HAPLN1: variants seen among roughly 807,000 people sequenced by gnomAD.
HAPLN1 encodes hyaluronan and proteoglycan link protein 1, also known as Cartilage link protein.
In HAPLN1, 13 loss-of-function variants were observed where a neutral mutation model predicts 36.5. That is an observed-to-expected ratio of 0.36 (90% CI 0.23 to 0.57). HAPLN1 has a LOEUF of 0.57. Among genes scored for constraint, HAPLN1 ranks in the 20% least tolerant of loss-of-function variants. The pLI, the probability that HAPLN1 is intolerant of heterozygous loss-of-function variation, is 0.83. For missense variants in HAPLN1, 407 were observed against 439.7 expected, an observed-to-expected ratio of 0.93 and a Z score of 0.66; for synonymous variants, 202 against 169.8, an observed-to-expected ratio of 1.19 and a Z score of -1.48.
chr5:83,708,655 C>T (rs553147584), intron 1 of HAPLN1, among the ~76,000 whole-genome samples: 1 of 152,096 alleles, frequency 6.6e-6, no homozygotes, highest in East Asian at 1.9e-4. Flanking sequence ...TACAACTAAC[C>T]CCCATGACAC....
intron 1 of HAPLN1, among the ~76,000 whole-genome samples, chr5:83,717,667 T>G (rs1751943763): frequency 6.6e-6 from 1 of 152,228 alleles, no homozygotes; most frequent in Non-Finnish European, 1.5e-5. Context: ...TGGACTAATC[T>G]TCTATGGTAT....
chr5:83,714,929 A>G (rs1289388821), intron 1 of HAPLN1, among the ~76,000 whole-genome samples: 1 of 152,232 alleles, frequency 6.6e-6, no homozygotes, highest in African/African-American at 2.4e-5. Context: ...CCCTTGGGGC[A>G]AAGGGAAGAG....
chr5:83,667,113 A>C (rs1384470485), intron 2 of HAPLN1, among the ~76,000 whole-genome samples: 1 of 152,234 alleles, frequency 6.6e-6, no homozygotes, highest in East Asian at 1.9e-4. Context: ...CCACTACATA[A>C]GCACCTAACA....
chr5:83,671,677 T>A (rs971371268), intron 2 of HAPLN1, among the ~76,000 whole-genome samples: 1 of 152,150 alleles, frequency 6.6e-6, no homozygotes, highest in Non-Finnish European at 1.5e-5. Flanking sequence ...AAAAAAGTAA[T>A]GAGAACAGGT....
intron 1 of HAPLN1, among the ~76,000 whole-genome samples, chr5:83,715,440 C>A (rs949708395): frequency 1.3e-5 from 2 of 152,146 alleles, no homozygotes; most frequent in African/African-American, 2.4e-5. Context: ...ATTAGGAAGG[C>A]AAATTTCACC....
chr5:83,641,859 C>G, intron 4 of HAPLN1, 74 bp from the exon 5 acceptor site: 4 of 1,461,060 alleles, frequency 2.7e-6, no homozygotes, highest in Non-Finnish European at 3.7e-6. Context: ...GAGCCAAAAA[C>G]GGAAGTGTTT....
At chr5:83,664,054 A>G (rs544647229) in intron 2 of HAPLN1, among the ~76,000 whole-genome samples, 2 of 151,876 alleles carry the variant, frequency 1.3e-5, no homozygotes, top group Non-Finnish European at 2.9e-5. Flanking sequence ...TGAACTCTGA[A>G]CTCTGGACCA....
intron 3 of HAPLN1, among the ~76,000 whole-genome samples, chr5:83,650,890 T>C (rs1305851023): frequency 6.6e-6 from 1 of 152,120 alleles, no homozygotes; most frequent in Non-Finnish European, 1.5e-5. Flanking sequence ...AAAAATTATT[T>C]TCTTAGTCCC....
Position 83,667,048 on chromosome 5 carries a change from A to G in HAPLN1, c.100+6376T>C, listed in dbSNP as rs878887648. Among the ~76,000 whole-genome samples, 5 of 152,206 alleles carry G rather than the reference A, an allele frequency of 3.3e-5. 1 individual carries two copies. The highest frequency in any genetic ancestry group is 3.3e-4 in the Admixed American group (5 of 15,272). On this transcript the variant is annotated intron_variant, in intron 2 of 4. Transcript: ENST00000274341. ...CTTAGTAATGACTGTCTCTCTCACT[A>G]GACTATAAATTGTTGAATGCAGAGA...
rs756746376 is a variant in HAPLN1 at position 83,652,708 on chromosome 5, C to G, written c.217G>C (p.Gly73Arg). The G allele has an allele frequency of 8.1e-6, 13 of 1,613,974 alleles. No homozygotes were observed. The highest frequency in any genetic ancestry group is 1.7e-5 in the Admixed American group (1 of 59,990). The part of the protein sequence containing the change: ...FYRDPTAFGS[G>R]IHKIRIKWTK... Reference sequence around the variant, plus strand: ...CACTTAATTCGGATTTTATGGATTCCTGAGCCAAATGCTGTAGGGTCTCGA... The same window carrying G: ...CACTTAATTCGGATTTTATGGATTCGTGAGCCAAATGCTGTAGGGTCTCGA... Residue 73 changes from glycine (G) to arginine (R), a missense_variant, in exon 3 of 5, where the codon GGA becomes CGA. By Grantham distance (125) the Gly-to-Arg change is moderately radical (BLOSUM62 -2). Coordinates refer to ENST00000274341, the MANE Select transcript of HAPLN1 (RefSeq NM_001884.4).
intron 2 of HAPLN1, among the ~76,000 whole-genome samples, chr5:83,654,742 A>G (rs886746828): frequency 1.3e-5 from 2 of 152,202 alleles, no homozygotes; most frequent in Non-Finnish European, 2.9e-5. Flanking sequence ...TAATGCCTAA[A>G]TGCACTGGCA....
At chr5:83,680,678 G>A (rs1750978168) in intron 1 of HAPLN1, among the ~76,000 whole-genome samples, 1 of 151,932 alleles carries the variant, frequency 6.6e-6, no homozygotes, top group Admixed American at 6.6e-5. Context: ...GTTTATCTTT[G>A]GAAAACTGAT....
At chr5:83,704,063 C>T (rs775221832) in intron 1 of HAPLN1, among the ~76,000 whole-genome samples, 16 of 150,760 alleles carry the variant, frequency 1.1e-4, no homozygotes, top group Non-Finnish European at 2.1e-4. Flanking sequence ...TCAGCAGAAA[C>T]CTTACAAGCC....
At chr5:83,699,444 G>A (rs1158338376) in intron 1 of HAPLN1, among the ~76,000 whole-genome samples, 1 of 152,174 alleles carries the variant, frequency 6.6e-6, no homozygotes, top group Non-Finnish European at 1.5e-5. Flanking sequence ...TTGCGGGCTA[G>A]TTAGAAAGCT....
At chr5:83,707,727 G>A (rs1308791557) in intron 1 of HAPLN1, among the ~76,000 whole-genome samples, 2 of 152,160 alleles carry the variant, frequency 1.3e-5, no homozygotes, top group Non-Finnish European at 1.5e-5. Context: ...AGCAAAATTT[G>A]ACAAATGGGA....
intron 2 of HAPLN1, among the ~76,000 whole-genome samples, chr5:83,657,933 T>TAA (rs542701133): frequency 6.6e-6 from 1 of 152,178 alleles, no homozygotes; most frequent in East Asian, 1.9e-4. Flanking sequence ...AATATATATT[T>TAA]AAAAAATTGC....
chr5:83,702,548 C>G (rs1373156943), intron 1 of HAPLN1, among the ~76,000 whole-genome samples: 1 of 152,108 alleles, frequency 6.6e-6, no homozygotes, highest in African/African-American at 2.4e-5. Context: ...AGGGTTTGGT[C>G]TCTCAGAGAA....
intron 1 of HAPLN1, among the ~76,000 whole-genome samples, chr5:83,683,391 A>G (rs1450099523): frequency 2.6e-5 from 4 of 152,270 alleles, no homozygotes; most frequent in Admixed American, 6.5e-5. Flanking sequence ...GGTGAGTACT[A>G]ACAAAGTTAA....
chr5:83,682,033 A>G (rs1751017286), intron 1 of HAPLN1, among the ~76,000 whole-genome samples: 1 of 152,208 alleles, frequency 6.6e-6, no homozygotes, highest in Non-Finnish European at 1.5e-5. Context: ...CGTCAGTTTC[A>G]ACTAAATGCA....
Sources: allele counts gnomAD v4.1 joint callset (sites outside exome capture counted in the v4.1 genomes callset), GRCh38; gene constraint gnomAD v4.1.1; transcripts MANE v1.5; gene names NCBI Gene and HGNC (gene_info 2026-07-23, HGNC 2026-07-21).